TOX: variants seen among roughly 807,000 people sequenced by gnomAD.
TOX encodes the protein thymocyte selection-associated high mobility group box protein TOX.
In TOX, 11 loss-of-function variants were observed where a neutral mutation model predicts 53.7. The ratio of observed to expected loss-of-function variants is 0.20; its 90% CI spans 0.13 to 0.34. The LOEUF (loss-of-function observed/expected upper bound fraction) is 0.34, where lower values mean the gene tolerates loss of function less well. Among genes scored for constraint, TOX ranks in the 10% least tolerant of loss-of-function variants. TOX has a pLI of 1.00. For missense variants in TOX, 570 were observed against 664.6 expected, an observed-to-expected ratio of 0.86 and a Z score of 1.56; for synonymous variants, 225 against 245.3, an observed-to-expected ratio of 0.92 and a Z score of 0.77.
intron 1 of TOX, among the ~76,000 whole-genome samples, chr8:59,091,110 C>G (rs541681014): frequency 3.3e-5 from 5 of 152,290 alleles, no homozygotes; most frequent in African/African-American, 1.2e-4. Context: ...TCTCTCTCTT[C>G]CCTTACCTTC....
intron 1 of TOX, among the ~76,000 whole-genome samples, chr8:59,055,653 C>T (rs546068436): frequency 2.0e-5 from 3 of 152,294 alleles, no homozygotes; most frequent in Admixed American, 6.5e-5. Context: ...TGCCTCACAC[C>T]TTAGTCAAAA....
intron 1 of TOX, among the ~76,000 whole-genome samples, chr8:59,035,041 G>A (rs1416292859): frequency 1.3e-5 from 2 of 152,100 alleles, no homozygotes; most frequent in East Asian, 3.9e-4. Flanking sequence ...GGTGTGGGCG[G>A]AAGGAAAGCC....
intron 1 of TOX, among the ~76,000 whole-genome samples, chr8:59,074,631 G>A (rs189275321): frequency 6.2e-4 from 94 of 152,310 alleles, no homozygotes; most frequent in African/African-American, 2.0e-3. Flanking sequence ...GCTTCTGGAT[G>A]TTGTAGACAG....
intron 3 of TOX, among the ~76,000 whole-genome samples, chr8:58,934,606 GATAA>G (rs1355869956): frequency 6.6e-6 from 1 of 152,148 alleles, no homozygotes; most frequent in African/African-American, 2.4e-5. Flanking sequence ...GAATCACAAT[GATAA>G]ATAAAGACAC....
chr8:59,045,210 TA>T, intron 1 of TOX, among the ~76,000 whole-genome samples: 1 of 152,358 alleles, frequency 6.6e-6, no homozygotes, highest in Non-Finnish European at 1.5e-5. Context: ...CGTCCTTCAT[TA>T]CCTGCAGACA....
intron 3 of TOX, among the ~76,000 whole-genome samples, chr8:58,871,390 A>G (rs1811194717): frequency 6.6e-6 from 1 of 152,174 alleles, no homozygotes; most frequent in Non-Finnish European, 1.5e-5. Flanking sequence ...AAAGTAAACC[A>G]TAATATATAC....
chr8:58,995,869 G>A (rs1370336948), intron 1 of TOX, among the ~76,000 whole-genome samples: 3 of 152,164 alleles, frequency 2.0e-5, no homozygotes, highest in African/African-American at 7.2e-5. Flanking sequence ...AAACTGAGGT[G>A]ACTCACTCAG....
intron 1 of TOX, among the ~76,000 whole-genome samples, chr8:59,112,070 C>G (rs370097702): frequency 7.9e-5 from 12 of 152,254 alleles, no homozygotes; most frequent in African/African-American, 2.9e-4. Flanking sequence ...GTGAGGCAAA[C>G]TTGCCATAGA....
intron 1 of TOX, among the ~76,000 whole-genome samples, chr8:58,978,870 G>A (rs767315106): frequency 8.5e-5 from 13 of 152,144 alleles, no homozygotes; most frequent in Non-Finnish European, 1.2e-4. Context: ...CTATGCTTGT[G>A]GTTTTTAATT....
rs1051379565 is a variant in TOX, at chr8:59,071,613, T to C, written c.102+47273A>G. On this transcript the variant is annotated intron_variant, in intron 1 of 8. Transcript: ENST00000361421. ...ATAGCCAAACTTCCACACACCATTTTTGGTCACCATAATGCCCTATAGTAT... is the reference window on the plus strand; with the variant it reads ...ATAGCCAAACTTCCACACACCATTTCTGGTCACCATAATGCCCTATAGTAT... Among the ~76,000 whole-genome samples the C allele has an allele frequency of 2.6e-5, 4 of 152,338 alleles. No homozygotes were observed. In the South Asian group the frequency reaches 6.2e-4, roughly 24 times the overall value.
At chr8:58,903,068 T>A (rs896502580) in intron 3 of TOX, among the ~76,000 whole-genome samples, 13 of 152,348 alleles carry the variant, frequency 8.5e-5, no homozygotes, top group African/African-American at 2.4e-4. Context: ...AGTCTTCGAA[T>A]GGAGCATAAC....
chr8:58,956,974 T>A (rs754622780), intron 2 of TOX, among the ~76,000 whole-genome samples: 1 of 152,240 alleles, frequency 6.6e-6, no homozygotes, highest in South Asian at 2.1e-4. Context: ...GACTTGTTCA[T>A]CCTACATATC....
rs1190086009 is a variant in TOX at position 58,826,806 on chromosome 8, C to T, written c.1005+16G>A. ...ATGGCCACAATCCTTCACAATATCA[C>T]ACAACTGCACGTTACCTTGGATACA... On this transcript the variant is annotated intron_variant, in intron 6 of 8. Transcript: ENST00000361421. 3 of 1,592,224 alleles carry T rather than the reference C, an allele frequency of 1.9e-6. No homozygotes were observed. Among genetic ancestry groups the T allele is most frequent in the African/African-American group, 2.7e-5 (2 of 73,786 alleles).
At chr8:58,994,020 A>G (rs976824024) in intron 1 of TOX, among the ~76,000 whole-genome samples, 1 of 152,184 alleles carries the variant, frequency 6.6e-6, no homozygotes, top group Non-Finnish European at 1.5e-5. Context: ...TCCACGACAT[A>G]TTCTTGCCAG....
At chr8:58,854,425 C>T (rs906215459) in intron 3 of TOX, among the ~76,000 whole-genome samples, 1 of 149,186 alleles carries the variant, frequency 6.7e-6, no homozygotes, top group Non-Finnish European at 1.5e-5. Flanking sequence ...CGCACTTTCT[C>T]TCCTCCCCTG....
intron 1 of TOX, among the ~76,000 whole-genome samples, chr8:58,987,849 C>A (rs1179859245): frequency 6.6e-6 from 1 of 152,180 alleles, no homozygotes; most frequent in Admixed American, 6.5e-5. Flanking sequence ...ATCTCATGCA[C>A]ACTCTGGGTG....
intron 1 of TOX, among the ~76,000 whole-genome samples, chr8:59,062,758 T>A (rs1260556655): frequency 6.6e-6 from 1 of 151,992 alleles, no homozygotes; most frequent in African/African-American, 2.4e-5. Flanking sequence ...ATACAATCAA[T>A]GACAATTATT....
intron 1 of TOX, among the ~76,000 whole-genome samples, chr8:59,022,551 A>G (rs1814156986): frequency 6.6e-6 from 1 of 152,086 alleles, no homozygotes; most frequent in Non-Finnish European, 1.5e-5. Flanking sequence ...CCTTTACCTC[A>G]CACTGCCTCG....
At chr8:59,094,074 T>C (rs920992374) in intron 1 of TOX, among the ~76,000 whole-genome samples, 3 of 152,188 alleles carry the variant, frequency 2.0e-5, no homozygotes, top group Non-Finnish European at 2.9e-5. Flanking sequence ...ACCATGATTC[T>C]AATTTGGTTA....
Sources: gnomAD v4.1 joint callset for allele counts (sites outside exome capture counted in the v4.1 genomes callset) on GRCh38, gnomAD v4.1.1 for gene constraint, MANE v1.5 for transcripts, NCBI Gene and HGNC (gene_info 2026-07-23, HGNC 2026-07-21) for gene names.